PCNX4: variants seen among roughly 807,000 people sequenced by gnomAD.
The protein encoded by PCNX4 is pecanex 4, also known as pecanex-like protein 4.
PCNX4 carries 103 observed loss-of-function variants against 107.2 expected under a neutral mutation model. The observed-to-expected ratio is 0.96, with a 90% CI of 0.82 to 1.13. PCNX4 has a LOEUF of 1.13. Ranked by LOEUF, PCNX4 falls within the 50% of genes most tolerant of loss-of-function variation. PCNX4 has a pLI of 0.00. For missense variants in PCNX4, 1,528 were observed against 1,379.4 expected, an observed-to-expected ratio of 1.11 and a Z score of -1.71; for synonymous variants, 541 against 481.7, an observed-to-expected ratio of 1.12 and a Z score of -1.61.
At position 60,135,840 on chromosome 14, in the gene PCNX4, G is replaced by A. The variant is rs990694326; in HGVS notation, c.*1619G>A. ...GCTGGGATTACAGGCGTGAGCCACC[G>A]TGCCCAGCCATAATTATCACTTTTA... On this transcript the variant is annotated 3_prime_UTR_variant, in exon 11 of 11. Transcript: ENST00000406854. 4.6e-5 allele frequency: 7 copies of A among 152,138 alleles called. No homozygotes were observed. The highest frequency in any genetic ancestry group is 1.4e-4 in the African/African-American group (6 of 41,424). 9.4% of individuals were successfully genotyped at this position (152,138 alleles called of 1,614,324 possible).
At chr14:60,103,251 T>TAAAA (rs1895566783) in intron 1 of PCNX4, among the ~76,000 whole-genome samples, 1 of 152,226 alleles carries the variant, frequency 6.6e-6, no homozygotes, top group Non-Finnish European at 1.5e-5. Context: ...CCATAAAACA[T>TAAAA]TAGTTACATG....
Position 60,115,750 on chromosome 14 carries a change from A to G in PCNX4, c.1389A>G (p.Ser463=). Residue 463 remains serine (S), a synonymous_variant, in exon 5 of 11, where the codon TCA becomes TCG. Coordinates refer to ENST00000406854, the MANE Select transcript of PCNX4 (RefSeq NM_001330177.2). ...VSPFAMIAFL[S]LDSSLQGLHS... The stretch of plus-strand genomic sequence containing the variant: ...CTTTTGCCATGATAGCATTTCTTTC[A>G]TTGGACAGTTCCTTACAAGGGCTCC... 1 of 1,613,242 alleles carries G rather than the reference A, an allele frequency of 6.2e-7. No homozygotes were observed. The highest frequency in any genetic ancestry group is 1.1e-5 in the South Asian group (1 of 91,004).
Position 60,134,496 on chromosome 14 carries a change from A to G in PCNX4, c.*275A>G. On this transcript the variant is annotated 3_prime_UTR_variant, in exon 11 of 11. Coordinates refer to ENST00000406854, the MANE Select transcript of PCNX4 (RefSeq NM_001330177.2). The stretch of plus-strand genomic sequence containing the variant: ...GTAAATGTGAGAAAACTTTTGTAGA[A>G]TTATCATATAATGAATTTTGTAATG... 2.8e-6 allele frequency: 1 copy of G among 357,634 alleles called. No homozygotes were observed. Among genetic ancestry groups the G allele is most frequent in the Non-Finnish European group, 5.0e-6 (1 of 198,070 alleles). 22.2% of individuals were successfully genotyped at this position (357,634 alleles called of 1,614,324 possible).
At chr14:60,104,915 A>G (rs567860258) in intron 1 of PCNX4, among the ~76,000 whole-genome samples, 49 of 152,350 alleles carry the variant, frequency 3.2e-4, no homozygotes, top group Non-Finnish European at 5.7e-4. Flanking sequence ...GAAGTTACTC[A>G]GAGAAATGCC....
rs774443954 is a variant in PCNX4 at position 60,145,277 on chromosome 14, A to T, written c.*11056A>T. ...ATTGGACTGCAATGCTAAATTCTCT[A>T]TAATGACTTTTCTGGATCAGCATAT... On this transcript the variant is annotated 3_prime_UTR_variant, in exon 11 of 11. Transcript: ENST00000406854. This position sits in a 1 kb window ranked among gnomAD's most constrained non-coding sequence, Gnocchi z 4.0. 2.5e-5 allele frequency: 7 copies of T among 284,058 alleles called. No homozygotes were observed. The highest frequency in any genetic ancestry group is 4.5e-5 in the Non-Finnish European group (7 of 155,948). 17.6% of individuals were successfully genotyped at this position (284,058 alleles called of 1,614,324 possible).
chr14:60,094,770 C>CCA (rs1555392138), intron 1 of PCNX4, among the ~76,000 whole-genome samples: 1 of 124,720 alleles, frequency 8.0e-6, no homozygotes, highest in African/African-American at 2.8e-5. Context: ...AGCCCCCCCC[C>CCA]ACCCCCATCT....
At chr14:60,122,381 G>A (rs1382408409) in intron 8 of PCNX4, among the ~76,000 whole-genome samples, 1 of 151,928 alleles carries the variant, frequency 6.6e-6, no homozygotes, top group Non-Finnish European at 1.5e-5. Context: ...TTCCCTCTTT[G>A]GCCTTTATTG....
chr14:60,114,591 G>GT (rs11399265), intron 2 of PCNX4, 109 bp from the exon 3 acceptor site: 513,346 of 702,004 alleles, frequency 0.73, 183,694 homozygotes, highest in Admixed American at 0.78. Context: ...TGTGTGTGTG[G>GT]TTTTTTTTTG....
chr14:60,121,058 GTTC>G, intron 7 of PCNX4, 135 bp from the exon 8 acceptor site: 8 of 1,079,814 alleles, frequency 7.4e-6, no homozygotes, highest in Non-Finnish European at 1.0e-5. Context: ...AGTTATTTCT[GTTC>G]TTGACCTAAT....
rs142058765 is a variant in PCNX4, at chr14:60,120,781, G to A, written c.1943-415G>A. On this transcript the variant is annotated intron_variant, in intron 7 of 10. Coordinates refer to ENST00000406854, the MANE Select transcript of PCNX4 (RefSeq NM_001330177.2). ...ATTTGTATGGTATGTAGCATTTTAT[G>A]TACATTTTTAAACCACAAAACACTT... Among the ~76,000 whole-genome samples, 5 of 152,168 alleles carry A rather than the reference G, an allele frequency of 3.3e-5. No homozygotes were observed. In the East Asian group the frequency reaches 5.8e-4, roughly 18 times the overall value.
intron 2 of PCNX4, among the ~76,000 whole-genome samples, chr14:60,113,027 C>G (rs549127608): frequency 1.3e-5 from 2 of 152,146 alleles, no homozygotes; most frequent in East Asian, 3.9e-4. Context: ...ACTAAAAATA[C>G]AAAAATTAGC....
chr14:60,133,835 A>G (rs1191556393), intron 10 of PCNX4, 135 bp from the exon 11 acceptor site: 7 of 812,132 alleles, frequency 8.6e-6, no homozygotes, highest in Non-Finnish European at 1.3e-5. Flanking sequence ...TTTAAACACT[A>G]CTTTCTGTTT....
At position 60,115,973 on chromosome 14, in the gene PCNX4, GA is replaced by G; in HGVS notation, c.1492del (p.Thr498GlnfsTer9). The G allele has an allele frequency of 1.2e-6, 2 of 1,612,054 alleles. No homozygotes were observed. The highest frequency in any genetic ancestry group is 1.7e-6 in the Non-Finnish European group (2 of 1,178,720). ...AGAATACAGAAAATGCTTTATTGGA[GA>G]CAGTCATTGTATCAACAGTACACTT... ...WQNTENALLE[T>X]VIVSTVHLIS... is the part of the protein sequence containing the mutation. On this transcript the variant is annotated frameshift_variant, in exon 6 of 11. Coordinates refer to ENST00000406854, the MANE Select transcript of PCNX4 (RefSeq NM_001330177.2). LOFTEE classifies it high-confidence loss of function.
chr14:60,128,980 C>A (rs149387318), intron 10 of PCNX4, among the ~76,000 whole-genome samples: 242 of 150,474 alleles, frequency 1.6e-3, no homozygotes, highest in African/African-American at 5.4e-3. Context: ...TGGGAGGCCG[C>A]GGCAGGCGGA....
intron 10 of PCNX4, among the ~76,000 whole-genome samples, chr14:60,128,704 T>C (rs945576679): frequency 6.6e-6 from 1 of 152,196 alleles, no homozygotes; most frequent in African/African-American, 2.4e-5. Context: ...TAAAAAGGCA[T>C]ATTTCTTCTC....
At position 60,121,218 on chromosome 14, in the gene PCNX4, T is replaced by C; in HGVS notation, c.1965T>C (p.His655=). The part of the protein sequence containing the change: ...GSLGLLLPGS[H]YLGRFQDRLM... ...TAGGTCTCCTCCTACCTGGATCTCA[T>C]TACTTGGGCCGTTTTCAGGATCGTT... The change falls in exon 8 of 11, where the codon CAT becomes CAC. Residue 655 remains histidine, a synonymous_variant. Transcript: ENST00000406854. The C allele has an allele frequency of 6.3e-7, 1 of 1,599,562 alleles. No individual in the cohort carries two copies. The highest frequency in any genetic ancestry group is 8.5e-7 in the Non-Finnish European group (1 of 1,171,118).
intron 1 of PCNX4, among the ~76,000 whole-genome samples, chr14:60,098,261 A>G (rs1895464875): frequency 6.6e-6 from 1 of 152,194 alleles, no homozygotes; most frequent in African/African-American, 2.4e-5. Flanking sequence ...TCCCCCATGC[A>G]GAAACATTCC....
In PCNX4 at chr14:60,142,969, G is replaced by GAAAGAAAGAAAGAAAA. The variant is rs1566526533; in HGVS notation, c.*8763_*8764insAAAAGAAAGAAAGAAA. 4.8e-4 allele frequency: 72 copies of GAAAGAAAGAAAGAAAA among 150,328 alleles called. No individual in the cohort carries two copies. The highest frequency in any genetic ancestry group is 1.7e-3 in the African/African-American group (71 of 41,032). The allele number at this position is 150,328 out of a possible 1,614,324, so 9.3% of individuals were successfully genotyped here. A position where few individuals can be genotyped will look rare whatever the true frequency, so the allele number is the denominator to read the frequency against. On this transcript the variant is annotated 3_prime_UTR_variant, in exon 11 of 11. Transcript: ENST00000406854. The surrounding 1 kb of genome is among the most constrained non-coding windows in gnomAD (Gnocchi z 4.7). Reference sequence around the variant, plus strand: ...ACACAGTAAGACTCCATCTCCAAAAGAAAGAAAGAAAGAAAGAAAAAAATG... The same window carrying GAAAGAAAGAAAGAAAA: ...ACACAGTAAGACTCCATCTCCAAAAGAAAGAAAGAAAGAAAAAAAGAAAGAAAGAAAGAAAAAAATG...
At position 60,124,968 on chromosome 14, in the gene PCNX4, T is replaced by C. The variant is rs1184417759; in HGVS notation, c.2797T>C (p.Phe933Leu). 4 of 1,613,904 alleles carry C rather than the reference T, an allele frequency of 2.5e-6. No homozygotes were observed. In the South Asian group the frequency reaches 4.4e-5, roughly 18 times the overall value. The change falls in exon 9 of 11, where the codon TTT (phenylalanine) becomes CTT (leucine). Residue 933 changes from phenylalanine (F) to leucine (L), a missense_variant. Coordinates refer to ENST00000406854, the MANE Select transcript of PCNX4 (RefSeq NM_001330177.2). ...CAAAATGAAGGAGATGAGCTCGTTATTTCCAGAAGACTGGTACCAATTTGT... is the reference window on the plus strand; with the variant it reads ...CAAAATGAAGGAGATGAGCTCGTTACTTCCAGAAGACTGGTACCAATTTGT... ...SSKMKEMSSL[F>L]PEDWYQFVLR...
Sources: gnomAD v4.1 joint callset for allele counts (sites outside exome capture counted in the v4.1 genomes callset) on GRCh38, gnomAD v4.1.1 for gene constraint, Gnocchi (gnomAD v3.1) non-coding constraint, MANE v1.5 for transcripts, NCBI Gene and HGNC (gene_info 2026-07-23, HGNC 2026-07-21) for gene names.